Variants in SSUH2 observed in about 807,000 individuals in gnomAD.
The protein encoded by SSUH2 is ssu-2 homolog.
Under a neutral mutation model 55.3 loss-of-function variants are expected in SSUH2, and 47 were observed. That is an observed-to-expected ratio of 0.85 (90% CI 0.67 to 1.08). The LOEUF (loss-of-function observed/expected upper bound fraction) is 1.08, where lower values mean the gene tolerates loss of function less well. SSUH2 is among the 50% of genes least tolerant of loss of function. SSUH2 has a pLI of 0.00. For missense variants in SSUH2, 535 were observed against 490.7 expected, an observed-to-expected ratio of 1.09 and a Z score of -0.85; for synonymous variants, 212 against 191.5, an observed-to-expected ratio of 1.11 and a Z score of -0.89.
At chr3:8,628,337 G>C (rs1698025540) in intron 7 of SSUH2, among the ~76,000 whole-genome samples, 1 of 152,126 alleles carries the variant, frequency 6.6e-6, no homozygotes, top group Non-Finnish European at 1.5e-5. Context: ...CAAAGGATGA[G>C]GCTCGAATCA....
At position 8,678,493 on chromosome 3, in the gene SSUH2, G is replaced by T. The variant is rs539570958; in HGVS notation, c.-900-1140C>A. On this transcript the variant is annotated intron_variant, in intron 2 of 18. Transcript: ENST00000317371. ...CTCTTAGGACCCCCATTGCAAGGGG[G>T]TGAGGCACCCCCCGCGAGGCGGGGA... Among the ~76,000 whole-genome samples the T allele has an allele frequency of 8.2e-3, 1,124 of 137,462 alleles. 56 individuals are homozygous for T. The highest frequency in any genetic ancestry group is 0.027 in the African/African-American group (1,059 of 38,592). The allele number at this position is 137,462 out of a possible 152,430, so 90.2% of individuals were successfully genotyped here.
At chr3:8,620,121 T>C in intron 11 of SSUH2, 107 bp from the exon 12 acceptor site, 2 of 1,264,350 alleles carry the variant, frequency 1.6e-6, no homozygotes, top group Non-Finnish European at 2.2e-6. Context: ...AAGGTCCTGC[T>C]CTGGAGTTGG....
At chr3:8,675,636 A>C (rs1575396396) in intron 3 of SSUH2, among the ~76,000 whole-genome samples, 1 of 152,282 alleles carries the variant, frequency 6.6e-6, no homozygotes, top group Admixed American at 6.5e-5. Flanking sequence ...GGAGTCTAAG[A>C]GCAGAAGTCA....
At chr3:8,639,269 C>T (rs1168063284) in intron 1 of SSUH2, among the ~76,000 whole-genome samples, 2 of 152,146 alleles carry the variant, frequency 1.3e-5, no homozygotes, top group African/African-American at 4.8e-5. Flanking sequence ...TGGACCACCC[C>T]GCCCTAACAC....
At chr3:8,628,462 G>T (rs1241157154) in intron 7 of SSUH2, among the ~76,000 whole-genome samples, 1 of 152,222 alleles carries the variant, frequency 6.6e-6, no homozygotes, top group Non-Finnish European at 1.5e-5. Context: ...AGGGGCCTGT[G>T]CTGGGTTGAA....
intron 7 of SSUH2, among the ~76,000 whole-genome samples, chr3:8,651,285 C>T (rs964593056): frequency 5.3e-5 from 8 of 152,184 alleles, no homozygotes; most frequent in Admixed American, 2.0e-4. Flanking sequence ...TTGCATCTCT[C>T]GGCTATCTCA....
At chr3:8,675,318 A>G (rs1559550224) in intron 3 of SSUH2, among the ~76,000 whole-genome samples, 1 of 152,196 alleles carries the variant, frequency 6.6e-6, no homozygotes, top group Non-Finnish European at 1.5e-5. Context: ...GGCTTCCCCA[A>G]GGGTTCAAGA....
At chr3:8,672,744 G>T (rs1210434081) in intron 3 of SSUH2, among the ~76,000 whole-genome samples, 1 of 152,134 alleles carries the variant, frequency 6.6e-6, no homozygotes, top group Non-Finnish European at 1.5e-5. Context: ...CACAAAAGGG[G>T]TGTACACTTC....
In SSUH2 at chr3:8,630,964, A is replaced by G. The variant is rs1269425861; in HGVS notation, c.401-35T>C. The G allele has an allele frequency of 9.0e-6, 12 of 1,339,760 alleles. No homozygotes were observed. In the African/African-American group the frequency reaches 1.8e-4, roughly 20 times the overall value. The allele number at this position is 1,339,760 out of a possible 1,614,324, so 83.0% of individuals were successfully genotyped here. A position where few individuals can be genotyped will look rare whatever the true frequency, so the allele number is the denominator to read the frequency against. On this transcript the variant is annotated intron_variant, in intron 5 of 11. Transcript: ENST00000544814. Reference sequence around the variant, plus strand: ...AAAGGGGTCATTGTAAGAATGACGAAGGGCAGCAGGGATAAACTTTCATTT... The same window carrying G: ...AAAGGGGTCATTGTAAGAATGACGAGGGGCAGCAGGGATAAACTTTCATTT...
chr3:8,629,826 C>G, intron 6 of SSUH2, 100 bp from the exon 7 acceptor site: 1 of 1,146,584 alleles, frequency 8.7e-7, no homozygotes, highest in South Asian at 1.3e-5. Context: ...GGATCAGGAC[C>G]AGGATAGGAA....
chr3:8,646,649 A>G (rs84141), upstream of SSUH2, among the ~76,000 whole-genome samples: 128,873 of 152,240 alleles, frequency 0.85, 54,650 homozygotes, highest in South Asian at 0.9. Flanking sequence ...GCATCCGTAC[A>G]GAAGTGCTGT....
intron 1 of SSUH2, among the ~76,000 whole-genome samples, chr3:8,638,412 A>T (rs1487170871): frequency 6.6e-6 from 1 of 152,244 alleles, no homozygotes; most frequent in Admixed American, 6.5e-5. Flanking sequence ...GAAGGTAAAT[A>T]GAAAAAAGTT....
At position 8,635,918 on chromosome 3, in the gene SSUH2, A is replaced by C. The variant is rs1215909385; in HGVS notation, c.29-61T>G. 8 of 1,423,554 alleles carry C rather than the reference A, an allele frequency of 5.6e-6. No homozygotes were observed. In the East Asian group the frequency reaches 2.0e-4, roughly 35 times the overall value. The allele number at this position is 1,423,554 out of a possible 1,614,324, so 88.2% of individuals were successfully genotyped here. ...GGAGGCGAGGGCTGATGAGGGCTTCACAGGAAGTTGAGAAATTAGGGCGGG... is the reference window on the plus strand; with the variant it reads ...GGAGGCGAGGGCTGATGAGGGCTTCCCAGGAAGTTGAGAAATTAGGGCGGG... On this transcript the variant is annotated intron_variant, in intron 1 of 11. Coordinates refer to ENST00000544814, the MANE Select transcript of SSUH2 (RefSeq NM_001256748.3).
intron 7 of SSUH2, among the ~76,000 whole-genome samples, chr3:8,652,414 G>T (rs73125184): frequency 2.6e-5 from 4 of 152,168 alleles, no homozygotes. Context: ...ACTAATAGCA[G>T]CTGCCTTCCA....
In SSUH2 at chr3:8,664,240, A is replaced by G. The variant is rs146778620; in HGVS notation, c.-454-438T>C. Among the ~76,000 whole-genome samples the G allele has an allele frequency of 4.2e-3, 636 of 152,374 alleles. 1 individual carries two copies. Among genetic ancestry groups the G allele is most frequent in the Non-Finnish European group, 7.3e-3 (496 of 68,032 alleles). On this transcript the variant is annotated intron_variant, in intron 5 of 18. Transcript: ENST00000317371. ...GATACAGGGGATGTTACATCTTTCAAGAGCCTCGTGTTCTTCTCAGCAACT... is the reference window on the plus strand; with the variant it reads ...GATACAGGGGATGTTACATCTTTCAGGAGCCTCGTGTTCTTCTCAGCAACT...
chr3:8,653,205 C>T (rs12636369), intron 7 of SSUH2, among the ~76,000 whole-genome samples: 34,153 of 152,268 alleles, frequency 0.22, 4,826 homozygotes, highest in East Asian at 0.58. Context: ...TCACAGACCT[C>T]AGAGCAAGAG....
intron 1 of SSUH2, among the ~76,000 whole-genome samples, chr3:8,640,946 G>A (rs1022070848): frequency 2.0e-5 from 3 of 152,226 alleles, no homozygotes; most frequent in African/African-American, 4.8e-5. Flanking sequence ...TTCTTAGAAA[G>A]TGCTGTCATG....
Position 8,634,033 on chromosome 3 carries a change from A to G in SSUH2, c.210-238T>C, listed in dbSNP as rs111399754. On this transcript the variant is annotated intron_variant, in intron 3 of 11. Transcript: ENST00000544814. ...CAAAAACACTTTAGTTGAAATGTGG[A>G]GCTTAGGAGAAAAGCTGATAGAATC... 1.2e-3 allele frequency: 1,670 copies of G among 1,340,940 alleles called. 12 individuals carry two copies. The African/African-American group carries it at 0.018, about 14-fold the overall frequency. 83.1% of individuals were successfully genotyped at this position (1,340,940 alleles called of 1,614,324 possible).
At chr3:8,662,225 C>G (rs1703563405) in intron 6 of SSUH2, among the ~76,000 whole-genome samples, 1 of 152,352 alleles carries the variant, frequency 6.6e-6, no homozygotes, top group African/African-American at 2.4e-5. Flanking sequence ...GACAGTGCCT[C>G]TGCTTGCAAG....
Sources: gnomAD v4.1 joint callset for allele counts (sites outside exome capture counted in the v4.1 genomes callset) on GRCh38, gnomAD v4.1.1 for gene constraint, MANE v1.5 for transcripts, NCBI Gene and HGNC (gene_info 2026-07-23, HGNC 2026-07-21) for gene names.